The following KLF7 variants were observed in gnomAD, a reference collection of about 807,000 sequenced individuals.
KLF7 encodes Krueppel-like factor 7.
Under a neutral mutation model 27.3 loss-of-function variants are expected in KLF7, and 2 were observed. The ratio of observed to expected loss-of-function variants is 0.07; its 90% CI spans 0.03 to 0.23. KLF7 has a LOEUF of 0.23. Among genes scored for constraint, KLF7 ranks in the 10% least tolerant of loss-of-function variants. The probability of loss-of-function intolerance (pLI) is 1.00; values close to 1 mark genes in which losing one functional copy is unlikely to be tolerated. For synonymous variants in KLF7, 165 were observed against 162.4 expected (o/e 1.02, Z -0.12); for missense variants, 221 against 394.1 (o/e 0.56, Z 3.72).
intron 1 of KLF7, among the ~76,000 whole-genome samples, chr2:207,133,062 A>C (rs2077681107): frequency 6.6e-6 from 1 of 152,180 alleles, no homozygotes; most frequent in African/African-American, 2.4e-5. Context: ...TAACTAAATT[A>C]CAGCTTCTGA....
At chr2:207,108,234 T>C (rs2076932644) in intron 2 of KLF7, among the ~76,000 whole-genome samples, 1 of 152,094 alleles carries the variant, frequency 6.6e-6, no homozygotes, top group Non-Finnish European at 1.5e-5. Context: ...CATCTAACCA[T>C]GAGAGGGGGG....
At chr2:207,108,796 T>C (rs1036326006) in intron 2 of KLF7, among the ~76,000 whole-genome samples, 1 of 152,226 alleles carries the variant, frequency 6.6e-6, no homozygotes, top group Non-Finnish European at 1.5e-5. Flanking sequence ...CCATTATAAA[T>C]ATCCTCAACT....
At chr2:207,083,411 T>C (rs1272516687) in intron 3 of KLF7, among the ~76,000 whole-genome samples, 1 of 152,224 alleles carries the variant, frequency 6.6e-6, no homozygotes, top group African/African-American at 2.4e-5. Flanking sequence ...TTTGTAGGTA[T>C]TTCTTTTTTA....
chr2:207,127,436 G>GA (rs2106001351), intron 1 of KLF7, among the ~76,000 whole-genome samples: 1 of 152,306 alleles, frequency 6.6e-6, no homozygotes, highest in South Asian at 2.1e-4. Context: ...CAGGAGTATG[G>GA]AGATTAAAAT....
Position 207,088,682 on chromosome 2 carries a change from T to C in KLF7, c.734-101A>G, listed in dbSNP as rs2302870. 1.9e-5 allele frequency: 25 copies of C among 1,296,648 alleles called. No homozygotes were observed. The Admixed American group carries it at 3.9e-4, about 20-fold the overall frequency. 80.3% of individuals were successfully genotyped at this position (1,296,648 alleles called of 1,614,324 possible). A position where few individuals can be genotyped will look rare whatever the true frequency, so the allele number is the denominator to read the frequency against. Reference sequence around the variant, plus strand: ...GCTGGTCAGGCTTGGGAAAGGGCTGTTTAACTCATTCCTGAAAGACTAGAT... The same window carrying C: ...GCTGGTCAGGCTTGGGAAAGGGCTGCTTAACTCATTCCTGAAAGACTAGAT... On this transcript the variant is annotated intron_variant, in intron 2 of 3. Coordinates refer to ENST00000309446, the MANE Select transcript of KLF7 (RefSeq NM_003709.4).
intron 2 of KLF7, among the ~76,000 whole-genome samples, chr2:207,094,256 G>C (rs1436029450): frequency 6.6e-6 from 1 of 152,150 alleles, no homozygotes; most frequent in Non-Finnish European, 1.5e-5. Flanking sequence ...TTCATTTCCT[G>C]ATCTGCAAAA....
At chr2:207,121,320 T>G (rs541624001) in intron 2 of KLF7, among the ~76,000 whole-genome samples, 1 of 152,336 alleles carries the variant, frequency 6.6e-6, no homozygotes, top group African/African-American at 2.4e-5. Flanking sequence ...ACAAAGCTGT[T>G]TTATCACTCA....
chr2:207,098,778 A>ATT (rs1182598901), intron 2 of KLF7, among the ~76,000 whole-genome samples: 3,954 of 104,620 alleles, frequency 0.038, 239 homozygotes, highest in African/African-American at 0.082. Context: ...CACTTGGCTA[A>ATT]TTTTTTTTTT....
At chr2:207,144,008 G>A (rs1559158091) in intron 1 of KLF7, among the ~76,000 whole-genome samples, 1 of 152,028 alleles carries the variant, frequency 6.6e-6, no homozygotes, top group Non-Finnish European at 1.5e-5. Flanking sequence ...AGAGAGAGAG[G>A]CCAGGGGAGG....
intron 1 of KLF7, among the ~76,000 whole-genome samples, chr2:207,146,597 G>A (rs2078103995): frequency 6.6e-6 from 1 of 151,932 alleles, no homozygotes; most frequent in Admixed American, 6.6e-5. Flanking sequence ...TTTCCCTTGG[G>A]GATCTCCACT....
chr2:207,166,914 G>A, upstream of KLF7: 1 of 1,023,812 alleles, frequency 9.8e-7, no homozygotes. Context: ...CCCCGCTTGC[G>A]CACAGTCCCC....
Position 207,123,981 on chromosome 2 carries a change from C to A in KLF7, c.526G>T (p.Val176Leu), listed in dbSNP as rs146378446. ...GCTGTTGCGACCCCTCCCACCTTTA[C>A]GGAGCTGAGAGCAGCCTTCTTGGCC... is the stretch of plus-strand genomic sequence containing the variant. ...LVAKKAALSSVKVGGVATAAA... is the reference protein window; with the variant it reads ...LVAKKAALSSLKVGGVATAAA... Residue 176 changes from valine (V) to leucine (L), a missense_variant, in exon 2 of 4, where the codon GTA becomes TTA. By Grantham distance (32) the Val-to-Leu change is conservative. Transcript: ENST00000309446. 1.1e-4 allele frequency: 181 copies of A among 1,614,094 alleles called. No homozygotes were observed. The highest frequency in any genetic ancestry group is 1.5e-4 in the Non-Finnish European group (178 of 1,180,046).
intron 2 of KLF7, 121 bp from the exon 3 acceptor site, chr2:207,088,702 C>T: frequency 9.4e-7 from 1 of 1,063,538 alleles, no homozygotes; most frequent in Non-Finnish European, 1.3e-6. Flanking sequence ...TCCTGAAAGA[C>T]TAGATTTCCT....
In KLF7 at chr2:207,082,729, C is replaced by T. The variant is rs186517556; in HGVS notation, c.858-1465G>A. Among the ~76,000 whole-genome samples, 168 of 152,310 alleles carry T rather than the reference C, an allele frequency of 1.1e-3. 1 individual carries two copies. The highest frequency in any genetic ancestry group is 3.9e-3 in the African/African-American group (164 of 41,560). ...CCCAGGCTCCCTGAAGCCTGAGACA[C>T]CCCTACAGTCCAAAACTCCTGTCAG... On this transcript the variant is annotated intron_variant, in intron 3 of 3. Transcript: ENST00000309446.
chr2:207,075,234 TTTC>T lies in KLF7; in HGVS notation c.*5976_*5978del, dbSNP rs2076153601. 1.3e-5 allele frequency: 2 copies of T among 152,038 alleles called. No individual in the cohort carries two copies. Among genetic ancestry groups the T allele is most frequent in the East Asian group, 1.9e-4 (1 of 5,190 alleles). The allele number at this position is 152,038 out of a possible 1,614,324, so 9.4% of individuals were successfully genotyped here. A position where few individuals can be genotyped will look rare whatever the true frequency, so the allele number is the denominator to read the frequency against. ...ACAGACCAGTAACAAAAATAAATTTTTTCTTCATTAATAATTTTGTAACATTAA... is the reference window on the plus strand; with the variant it reads ...ACAGACCAGTAACAAAAATAAATTTTTTCATTAATAATTTTGTAACATTAA... On this transcript the variant is annotated 3_prime_UTR_variant, in exon 4 of 4. Coordinates refer to ENST00000309446, the MANE Select transcript of KLF7 (RefSeq NM_003709.4).
intron 2 of KLF7, among the ~76,000 whole-genome samples, chr2:207,093,404 C>T (rs1157299247): frequency 6.6e-6 from 1 of 152,182 alleles, no homozygotes; most frequent in Non-Finnish European, 1.5e-5. Flanking sequence ...TGCTGCCCTG[C>T]CTGCAGGCTC....
intron 2 of KLF7, 79 bp downstream of exon 2, chr2:207,123,694 GA>G: frequency 6.7e-7 from 1 of 1,485,760 alleles, no homozygotes. Context: ...CCACTCCTCA[GA>G]ACAAAGAGGA....
intron 2 of KLF7, among the ~76,000 whole-genome samples, chr2:207,089,019 G>A (rs935748518): frequency 1.3e-5 from 2 of 152,228 alleles, no homozygotes; most frequent in African/African-American, 2.4e-5. Context: ...GCCATTTCAG[G>A]CTTTTTAGTC....
intron 1 of KLF7, among the ~76,000 whole-genome samples, chr2:207,143,191 C>T (rs536680668): frequency 1.3e-5 from 2 of 152,130 alleles, no homozygotes; most frequent in South Asian, 4.2e-4. Context: ...AAATACAATG[C>T]CACTGGATTA....
Sources: allele counts gnomAD v4.1 joint callset (sites outside exome capture counted in the v4.1 genomes callset), GRCh38; gene constraint gnomAD v4.1.1; transcripts MANE v1.5; gene names NCBI Gene and HGNC (gene_info 2026-07-23, HGNC 2026-07-21).